TTC27: variants seen among roughly 807,000 people sequenced by gnomAD.
TTC27 encodes the protein tetratricopeptide repeat protein 27.
TTC27 carries 79 observed loss-of-function variants against 115.9 expected under a neutral mutation model. The ratio of observed to expected loss-of-function variants is 0.68; its 90% CI spans 0.57 to 0.82. TTC27 has a LOEUF of 0.82. Ranked by LOEUF, TTC27 falls within the 40% of genes least tolerant of loss-of-function variation. TTC27 has a pLI of 0.00. For missense variants in TTC27, 1,054 were observed against 993.1 expected (o/e 1.06, Z -0.82); for synonymous variants, 401 against 356.0 (o/e 1.13, Z -1.42).
At chr2:32,715,287 A>G (rs1667717245) in intron 10 of TTC27, among the ~76,000 whole-genome samples, 1 of 152,120 alleles carries the variant, frequency 6.6e-6, no homozygotes, top group Non-Finnish European at 1.5e-5. Flanking sequence ...AGTCTTCTGC[A>G]TGTGGTTAGC....
intron 4 of TTC27, among the ~76,000 whole-genome samples, chr2:32,644,872 C>CTTTTTTT (rs35904079): frequency 3.6e-5 from 3 of 83,332 alleles, no homozygotes; most frequent in Non-Finnish European, 7.0e-5. Flanking sequence ...TTCCTTTCTG[C>CTTTTTTT]TTTTTTTTTT....
At chr2:32,657,171 G>A (rs544894901) in intron 5 of TTC27, among the ~76,000 whole-genome samples, 1 of 151,478 alleles carries the variant, frequency 6.6e-6, no homozygotes, top group Non-Finnish European at 1.5e-5. Flanking sequence ...ATTTTCAGTA[G>A]AGACGGGGTT....
chr2:32,771,270 G>C (rs887309376), intron 13 of TTC27, among the ~76,000 whole-genome samples: 1 of 152,174 alleles, frequency 6.6e-6, no homozygotes, highest in Non-Finnish European at 1.5e-5. Flanking sequence ...CCCATAGTAA[G>C]TTCGCAATAA....
intron 9 of TTC27, among the ~76,000 whole-genome samples, chr2:32,681,871 C>T (rs1429712714): frequency 6.6e-6 from 1 of 151,928 alleles, no homozygotes; most frequent in African/African-American, 2.4e-5. Flanking sequence ...GGGACTACTT[C>T]TAGGTGCTAC....
intron 15 of TTC27, among the ~76,000 whole-genome samples, chr2:32,784,629 G>C (rs1251961443): frequency 1.3e-5 from 2 of 152,154 alleles, no homozygotes; most frequent in Non-Finnish European, 2.9e-5. Context: ...GAGGGGTTTT[G>C]ATAAGTGAAT....
intron 9 of TTC27, among the ~76,000 whole-genome samples, chr2:32,687,388 A>G (rs886078953): frequency 2.0e-5 from 3 of 152,224 alleles, no homozygotes; most frequent in African/African-American, 7.2e-5. Flanking sequence ...ATCTAAAAAG[A>G]AGGCAGGAAA....
intron 8 of TTC27, among the ~76,000 whole-genome samples, chr2:32,675,836 G>C (rs1183580205): frequency 6.6e-6 from 1 of 151,810 alleles, no homozygotes; most frequent in Non-Finnish European, 1.5e-5. Flanking sequence ...TTGTTGGCCA[G>C]GCTAGAGTAC....
At chr2:32,684,257 T>C (rs1666551109) in intron 9 of TTC27, among the ~76,000 whole-genome samples, 1 of 152,158 alleles carries the variant, frequency 6.6e-6, no homozygotes, top group Admixed American at 6.6e-5. Flanking sequence ...CATGAACTCA[T>C]CATTTTTTAT....
chr2:32,703,206 C>T (rs753297765), intron 10 of TTC27, among the ~76,000 whole-genome samples: 1 of 152,182 alleles, frequency 6.6e-6, no homozygotes, highest in Non-Finnish European at 1.5e-5. Context: ...CGGTGGCTCA[C>T]GCCTGTGATC....
At chr2:32,697,984 C>A (rs1193283246) in intron 9 of TTC27, among the ~76,000 whole-genome samples, 4 of 152,084 alleles carry the variant, frequency 2.6e-5, no homozygotes, top group Non-Finnish European at 4.4e-5. Context: ...AATTCCTGAC[C>A]TCAAGTGATC....
chr2:32,782,581 A>G, intron 14 of TTC27, 45 bp from the exon 15 acceptor site: 1 of 1,572,624 alleles, frequency 6.4e-7, no homozygotes, highest in Admixed American at 1.7e-5. Flanking sequence ...CAATAATTTT[A>G]CCTAAATGAG....
chr2:32,723,728 C>CTCCCTCCCTCCG (rs1454826952), intron 10 of TTC27, among the ~76,000 whole-genome samples: 3 of 29,512 alleles, frequency 1.0e-4, no homozygotes, highest in African/African-American at 3.4e-4. Flanking sequence ...CCCTCCCTCC[C>CTCCCTCCCTCCG]TCCTTCCTTC....
At chr2:32,696,977 T>C (rs1667008882) in intron 9 of TTC27, among the ~76,000 whole-genome samples, 1 of 152,142 alleles carries the variant, frequency 6.6e-6, no homozygotes, top group African/African-American at 2.4e-5. Flanking sequence ...GGTGGGCTCA[T>C]TGCTTGAGCC....
chr2:32,687,819 GAACTA>G (rs775528672), intron 9 of TTC27, among the ~76,000 whole-genome samples: 1 of 152,076 alleles, frequency 6.6e-6, no homozygotes, highest in South Asian at 2.1e-4. Flanking sequence ...AAAATGGATA[GAACTA>G]AATTGAAAAA....
Position 32,630,713 on chromosome 2 carries a change from T to C in TTC27, c.266+13T>C. On this transcript the variant is annotated intron_variant, in intron 2 of 19. Transcript: ENST00000317907. ...ACACAACGGAAAGGTAGAATTTTAT[T>C]TGAAATTTTCATAGAGGAACAGAGC... 1.9e-6 allele frequency: 3 copies of C among 1,594,950 alleles called. No individual in the cohort carries two copies. The highest frequency in any genetic ancestry group is 2.6e-6 in the Non-Finnish European group (3 of 1,172,564).
At chr2:32,755,181 G>A (rs1404683448) in intron 12 of TTC27, among the ~76,000 whole-genome samples, 1 of 152,142 alleles carries the variant, frequency 6.6e-6, no homozygotes, top group Non-Finnish European at 1.5e-5. Flanking sequence ...CAGACGGGGT[G>A]GCGGCCGGGC....
chr2:32,732,645 A>C (rs982601968), intron 10 of TTC27, among the ~76,000 whole-genome samples: 2 of 152,144 alleles, frequency 1.3e-5, no homozygotes, highest in Non-Finnish European at 2.9e-5. Context: ...AATTTTAAAC[A>C]GTTTCCAAGT....
chr2:32,755,991 GAC>G (rs1669219898), intron 12 of TTC27, among the ~76,000 whole-genome samples: 1 of 152,126 alleles, frequency 6.6e-6, no homozygotes, highest in African/African-American at 2.4e-5. Context: ...GGATATCATG[GAC>G]TACCAGTGTT....
intron 12 of TTC27, among the ~76,000 whole-genome samples, chr2:32,746,107 C>G (rs1472210460): frequency 6.6e-6 from 1 of 152,044 alleles, no homozygotes; most frequent in African/African-American, 2.4e-5. Context: ...GTATGTGGAG[C>G]GGGGGTAATG....
Sources: gnomAD v4.1 joint callset for allele counts (sites outside exome capture counted in the v4.1 genomes callset) on GRCh38, gnomAD v4.1.1 for gene constraint, MANE v1.5 for transcripts, NCBI Gene and HGNC (gene_info 2026-07-23, HGNC 2026-07-21) for gene names.